The following UBAC2 variants were observed in gnomAD, a reference collection of about 807,000 sequenced individuals.
UBAC2 encodes the protein UBA domain containing 2.
In UBAC2, 26 loss-of-function variants were observed where a neutral mutation model predicts 44.0. The observed-to-expected ratio is 0.59, with a 90% CI of 0.43 to 0.82. The LOEUF is 0.82. UBAC2 is among the 40% of genes least tolerant of loss of function. The pLI is 0.00. For synonymous variants in UBAC2, 155 were observed against 154.3 expected, an observed-to-expected ratio of 1.00 and a Z score of -0.04; for missense variants, 329 against 419.4, an observed-to-expected ratio of 0.78 and a Z score of 1.88.
In UBAC2 at chr13:99,237,353, G is replaced by A. The variant is rs144203184; in HGVS notation, c.32-1074G>A. Among the ~76,000 whole-genome samples the A allele has an allele frequency of 7.5e-3, 1,143 of 151,800 alleles. 5 individuals are homozygous for A. The highest frequency in any genetic ancestry group is 0.012 in the Non-Finnish European group (815 of 67,950). ...GAAATCCTGTCATTTGCAGCCACAT[G>A]GATGGAACTAGAAGACATGTAAGTG... On this transcript the variant is annotated intron_variant, in intron 1 of 8. Coordinates refer to ENST00000403766, the MANE Select transcript of UBAC2 (RefSeq NM_001144072.2).
At position 99,200,871 on chromosome 13, in the gene UBAC2, C is replaced by G. The variant is rs760650640; in HGVS notation, c.-38C>G. The G allele has an allele frequency of 1.5e-5, 19 of 1,290,016 alleles. No individual in the cohort carries two copies. The highest frequency in any genetic ancestry group is 5.5e-5 in the South Asian group (2 of 36,374). The allele number at this position is 1,290,016 out of a possible 1,614,324, so 79.9% of individuals were successfully genotyped here. A position where few individuals can be genotyped will look rare whatever the true frequency, so the allele number is the denominator to read the frequency against. ...TGGGGCTCGCACTTCAGCTTCCCCT[C>G]CCCCGGCGCCCTCTGGGGCTCCGAG... On this transcript the variant is annotated 5_prime_UTR_variant, in exon 1 of 9. Coordinates refer to ENST00000403766, the MANE Select transcript of UBAC2 (RefSeq NM_001144072.2).
rs137952665 is a variant in UBAC2, at chr13:99,201,551, T to C, written c.31+612T>C. The C allele has an allele frequency of 7.4e-6, 12 of 1,614,070 alleles. No individual in the cohort carries two copies. In the African/African-American group the frequency reaches 1.5e-4, roughly 20 times the overall value. ...TGGATGTTGCTGTTTTCCTGGCGTGTTAGCGGTGGTCAGCAGGTAGGGGGC... is the reference window on the plus strand; with the variant it reads ...TGGATGTTGCTGTTTTCCTGGCGTGCTAGCGGTGGTCAGCAGGTAGGGGGC... On this transcript the variant is annotated intron_variant, in intron 1 of 8. Transcript: ENST00000403766.
chr13:99,275,219 T>C (rs372269335), intron 4 of UBAC2, among the ~76,000 whole-genome samples: 2 of 152,270 alleles, frequency 1.3e-5, no homozygotes, highest in African/African-American at 4.8e-5. Context: ...GTACTCAGGA[T>C]GTCAGGGACC....
intron 8 of UBAC2, among the ~76,000 whole-genome samples, chr13:99,368,738 C>T (rs1361781822): frequency 6.9e-6 from 1 of 145,698 alleles, no homozygotes; most frequent in Non-Finnish European, 1.5e-5. Flanking sequence ...CACATACCCT[C>T]ACTCTGACCG....
At chr13:99,215,878 T>C in intron 1 of UBAC2, 3 of 446,306 alleles carry the variant, frequency 6.7e-6, no homozygotes, top group Non-Finnish European at 1.2e-5. Flanking sequence ...GTTCTTACTA[T>C]TCCTGATCGG....
intron 7 of UBAC2, among the ~76,000 whole-genome samples, chr13:99,357,590 A>G (rs905207478): frequency 1.3e-5 from 2 of 152,238 alleles, no homozygotes; most frequent in African/African-American, 2.4e-5. Context: ...CACAGAGCAC[A>G]GGGAATTGCA....
chr13:99,254,896 A>G (rs555756794), intron 4 of UBAC2: 10 of 1,613,254 alleles, frequency 6.2e-6, no homozygotes, highest in East Asian at 4.5e-5. Flanking sequence ...TTCACTGTTT[A>G]TATTGCTTAG....
chr13:99,217,605 C>T lies in UBAC2; in HGVS notation c.31+16666C>T, dbSNP rs143161108. Among the ~76,000 whole-genome samples, 161 of 152,330 alleles carry T rather than the reference C, an allele frequency of 1.1e-3. 2 individuals are homozygous for T. The East Asian group carries it at 0.024, about 22-fold the overall frequency. ...CCGGCTTGGGGCCAGCTGTTACCCG[C>T]GCTCGCCCTGGCATGCAGCCCTCTG... On this transcript the variant is annotated intron_variant, in intron 1 of 8. Transcript: ENST00000403766.
chr13:99,232,399 G>GAGATATAT (rs1367302629), intron 1 of UBAC2, among the ~76,000 whole-genome samples: 6 of 109,890 alleles, frequency 5.5e-5, no homozygotes, highest in Admixed American at 9.5e-5. Flanking sequence ...TTAGTTGAGA[G>GAGATATAT]ATATAGATAT....
chr13:99,239,690 A>G (rs2043278610), intron 2 of UBAC2, among the ~76,000 whole-genome samples: 1 of 152,192 alleles, frequency 6.6e-6, no homozygotes, highest in Non-Finnish European at 1.5e-5. Flanking sequence ...CTTGGATGGA[A>G]GAAGACCACT....
At chr13:99,364,877 G>A (rs1038767340) in intron 7 of UBAC2, among the ~76,000 whole-genome samples, 12 of 152,144 alleles carry the variant, frequency 7.9e-5, no homozygotes, top group Non-Finnish European at 1.3e-4. Flanking sequence ...GGTAGTTCCC[G>A]TCTTTGACTG....
intron 7 of UBAC2, among the ~76,000 whole-genome samples, chr13:99,347,586 AG>A (rs1365717491): frequency 6.6e-6 from 1 of 151,956 alleles, no homozygotes; most frequent in African/African-American, 2.4e-5. Context: ...ATGCTCCTGA[AG>A]CATTTTTAGT....
chr13:99,364,829 C>T (rs1442405639), intron 7 of UBAC2, among the ~76,000 whole-genome samples: 1 of 152,184 alleles, frequency 6.6e-6, no homozygotes. Flanking sequence ...TATGTGAATG[C>T]ACCATAACTT....
At chr13:99,202,311 T>C (rs1158259103) in intron 1 of UBAC2, among the ~76,000 whole-genome samples, 1 of 152,216 alleles carries the variant, frequency 6.6e-6, no homozygotes, top group East Asian at 1.9e-4. Context: ...ATGTTACAAC[T>C]ACTAAGTAAT....
At chr13:99,373,526 G>A (rs532978182) in intron 8 of UBAC2, among the ~76,000 whole-genome samples, 15 of 152,308 alleles carry the variant, frequency 9.8e-5, no homozygotes, top group African/African-American at 3.4e-4. Context: ...ACACTAAGAT[G>A]GATAAGGCGG....
intron 4 of UBAC2, among the ~76,000 whole-genome samples, chr13:99,287,914 T>C (rs2044041191): frequency 6.6e-6 from 1 of 152,210 alleles, no homozygotes; most frequent in Non-Finnish European, 1.5e-5. Context: ...ATTACTCTCT[T>C]GAACATATAA....
chr13:99,369,505 G>A (rs1425370524), intron 8 of UBAC2, among the ~76,000 whole-genome samples: 1 of 152,196 alleles, frequency 6.6e-6, no homozygotes. Context: ...TTGCCCAACT[G>A]TAGGGTAATG....
chr13:99,222,783 T>C (rs370008781), intron 1 of UBAC2, among the ~76,000 whole-genome samples: 1 of 152,256 alleles, frequency 6.6e-6, no homozygotes, highest in East Asian at 1.9e-4. Context: ...CATCTGTTAA[T>C]ACGTTCATAA....
intron 6 of UBAC2, among the ~76,000 whole-genome samples, chr13:99,323,358 T>G (rs1315269833): frequency 6.6e-6 from 1 of 152,134 alleles, no homozygotes; most frequent in African/African-American, 2.4e-5. Context: ...CCCAGCACTT[T>G]GGGAGACTGA....
Sources: allele counts gnomAD v4.1 joint callset (sites outside exome capture counted in the v4.1 genomes callset), GRCh38; gene constraint gnomAD v4.1.1; transcripts MANE v1.5; gene names NCBI Gene and HGNC (gene_info 2026-07-23, HGNC 2026-07-21).